Variants in RBFOX1 observed in about 807,000 individuals in gnomAD.
RBFOX1 encodes the protein RNA binding protein fox-1 homolog 1.
Under a neutral mutation model 57.7 loss-of-function variants are expected in RBFOX1, and 8 were observed. The ratio of observed to expected loss-of-function variants is 0.14; its 90% confidence interval spans 0.08 to 0.25. RBFOX1 has a LOEUF of 0.25. Ranked by LOEUF, RBFOX1 falls within the 10% of genes least tolerant of loss-of-function variation. The pLI is 1.00. For missense variants in RBFOX1, 611 were observed against 548.5 expected (o/e 1.11, Z -1.14); for synonymous variants, 326 against 222.4 (o/e 1.47, Z -4.15).
At chr16:6,139,358 C>T (rs971904560) in intron 1 of RBFOX1, among the ~76,000 whole-genome samples, 1 of 152,202 alleles carries the variant, frequency 6.6e-6, no homozygotes, top group Non-Finnish European at 1.5e-5. Context: ...CCCAACTCTG[C>T]TGCTTTCTGG....
At chr16:6,911,060 G>A (rs1284960391) in intron 3 of RBFOX1, among the ~76,000 whole-genome samples, 4 of 152,032 alleles carry the variant, frequency 2.6e-5, no homozygotes, top group Admixed American at 1.3e-4. Flanking sequence ...AATTAGCCGA[G>A]CGTGGTGGCA....
chr16:6,927,439 A>AAAAAAAAAAAAAAAAAAAAAAAAAC (rs869233820), intron 3 of RBFOX1, among the ~76,000 whole-genome samples: 1 of 149,658 alleles, frequency 6.7e-6, no homozygotes, highest in African/African-American at 2.5e-5. Flanking sequence ...AAAAAAAAAA[A>AAAAAAAAAAAAAAAAAAAAAAAAAC]TCCGAACGTC....
intron 2 of RBFOX1, among the ~76,000 whole-genome samples, chr16:6,582,659 T>C (rs768842988): frequency 6.6e-6 from 1 of 151,894 alleles, no homozygotes; most frequent in Non-Finnish European, 1.5e-5. Flanking sequence ...TCTTTTTTTC[T>C]CTCCTTTCTT....
intron 4 of RBFOX1, among the ~76,000 whole-genome samples, chr16:7,345,330 G>T (rs1212857731): frequency 6.6e-6 from 1 of 152,160 alleles, no homozygotes; most frequent in Non-Finnish European, 1.5e-5. Flanking sequence ...TGCTCTCGGG[G>T]AGGTTTTGAC....
chr16:5,470,523 C>G (rs148414621), intron 2 of RBFOX1, among the ~76,000 whole-genome samples: 1,524 of 152,266 alleles, frequency 0.01, 24 homozygotes, highest in African/African-American at 0.035. Context: ...CTCCCTCTAC[C>G]TTTCTATCTC....
chr16:7,317,771 A>T (rs955359799), intron 4 of RBFOX1, among the ~76,000 whole-genome samples: 5 of 152,330 alleles, frequency 3.3e-5, no homozygotes, highest in Admixed American at 3.3e-4. Context: ...GCCTCCAACT[A>T]GCTCTATGGG....
intron 4 of RBFOX1, among the ~76,000 whole-genome samples, chr16:7,329,424 G>T (rs910138561): frequency 6.6e-6 from 1 of 152,210 alleles, no homozygotes; most frequent in African/African-American, 2.4e-5. Flanking sequence ...CTGGGGAATG[G>T]AAAGACACAC....
chr16:7,701,747 A>T (rs1225305976), intron 14 of RBFOX1, among the ~76,000 whole-genome samples: 1 of 152,232 alleles, frequency 6.6e-6, no homozygotes, highest in Non-Finnish European at 1.5e-5. Flanking sequence ...TAGTAACCAC[A>T]GAGGAGTATT....
chr16:5,935,785 A>G (rs564250310), intron 4 of RBFOX1, among the ~76,000 whole-genome samples: 1 of 152,212 alleles, frequency 6.6e-6, no homozygotes, highest in Non-Finnish European at 1.5e-5. Context: ...TTCAAATTCA[A>G]GTCTCCACAT....
At chr16:6,766,230 T>C (rs1313240628) in intron 3 of RBFOX1, among the ~76,000 whole-genome samples, 2 of 152,194 alleles carry the variant, frequency 1.3e-5, no homozygotes, top group African/African-American at 2.4e-5. Flanking sequence ...GAATTTGATT[T>C]CACTTTCCTC....
At chr16:7,537,517 C>A (rs1429111954) in intron 5 of RBFOX1, among the ~76,000 whole-genome samples, 1 of 152,180 alleles carries the variant, frequency 6.6e-6, no homozygotes, top group East Asian at 1.9e-4. Flanking sequence ...CACTTATAAC[C>A]ACAACTTCAC....
At chr16:6,447,289 G>A (rs2094503690) in intron 2 of RBFOX1, among the ~76,000 whole-genome samples, 1 of 152,148 alleles carries the variant, frequency 6.6e-6, no homozygotes, top group Admixed American at 6.6e-5. Context: ...CGGTGAAAGG[G>A]ATTTGGAAAT....
chr16:6,178,278 C>T (rs979896256), intron 1 of RBFOX1, among the ~76,000 whole-genome samples: 1 of 145,282 alleles, frequency 6.9e-6, no homozygotes, highest in South Asian at 2.2e-4. Flanking sequence ...CCTCTGTCTC[C>T]CAGGTTCAAG....
intron 4 of RBFOX1, among the ~76,000 whole-genome samples, chr16:5,978,812 A>G (rs2060119232): frequency 6.6e-6 from 1 of 151,976 alleles, no homozygotes; most frequent in Non-Finnish European, 1.5e-5. Context: ...GTTGTGGGGA[A>G]CAACACTGCA....
intron 3 of RBFOX1, among the ~76,000 whole-genome samples, chr16:6,912,557 C>T (rs918157729): frequency 2.0e-5 from 3 of 151,852 alleles, no homozygotes; most frequent in African/African-American, 4.8e-5. Flanking sequence ...ATTCTTTTCT[C>T]TTTGTTTCTT....
chr16:6,148,415 C>G (rs1223271878), intron 1 of RBFOX1, among the ~76,000 whole-genome samples: 2 of 152,226 alleles, frequency 1.3e-5, no homozygotes, highest in Non-Finnish European at 2.9e-5. Context: ...ACTCCTCAAG[C>G]TCATTCTAGT....
intron 3 of RBFOX1, among the ~76,000 whole-genome samples, chr16:6,741,697 T>A (rs2072193787): frequency 6.6e-6 from 1 of 151,380 alleles, no homozygotes; most frequent in Non-Finnish European, 1.5e-5. Flanking sequence ...AAGGATGTGG[T>A]CTCTGAACAA....
At chr16:6,868,184 C>A (rs1461045320) in intron 3 of RBFOX1, among the ~76,000 whole-genome samples, 1 of 152,040 alleles carries the variant, frequency 6.6e-6, no homozygotes, top group Non-Finnish European at 1.5e-5. Context: ...TGAAGTCTTT[C>A]AGTGCTACAT....
At chr16:7,546,896 A>T (rs1401956017) in intron 5 of RBFOX1, among the ~76,000 whole-genome samples, 2 of 152,204 alleles carry the variant, frequency 1.3e-5, no homozygotes, top group African/African-American at 4.8e-5. Context: ...TTTCTGTAGG[A>T]TAAATTCCCA....
Sources: allele counts gnomAD v4.1 joint callset (sites outside exome capture counted in the v4.1 genomes callset), GRCh38; gene constraint gnomAD v4.1.1; transcripts MANE v1.5; gene names NCBI Gene and HGNC (gene_info 2026-07-23, HGNC 2026-07-21).